ZNF804B: variants seen among roughly 807,000 people sequenced by gnomAD.
ZNF804B encodes zinc finger 804B.
Under a neutral mutation model 101.4 loss-of-function variants are expected in ZNF804B, and 80 were observed. That is an observed-to-expected ratio of 0.79 (90% CI 0.66 to 0.95). The LOEUF (loss-of-function observed/expected upper bound fraction) is 0.95. Among genes scored for constraint, ZNF804B ranks in the 40% least tolerant of loss-of-function variants. The probability of loss-of-function intolerance (pLI) is 0.00; values close to 1 mark genes in which losing one functional copy is unlikely to be tolerated. For synonymous variants in ZNF804B, 622 were observed against 558.8 expected, an observed-to-expected ratio of 1.11 and a Z score of -1.59; for missense variants, 1,673 against 1,561.9, an observed-to-expected ratio of 1.07 and a Z score of -1.20.
intron 1 of ZNF804B, among the ~76,000 whole-genome samples, chr7:89,176,591 C>CTTTTTTTTTTTTTTTTTTTTTTTT (rs35866405): frequency 2.8e-5 from 2 of 71,960 alleles, no homozygotes; most frequent in East Asian, 3.6e-4. Flanking sequence ...TTCTTTCTTT[C>CTTTTTTTTTTTTTTTTTTTTTTTT]TTTTTTTTTT....
chr7:89,096,463 C>T lies in ZNF804B; in HGVS notation c.109-121692C>T, dbSNP rs367959530. On this transcript the variant is annotated intron_variant, in intron 1 of 3. Coordinates refer to ENST00000333190, the MANE Select transcript of ZNF804B (RefSeq NM_181646.5). ...GATTCTTATCAAATGCTCCTCTTTG[C>T]TGGCCTTGCTTAGAGCCTTCTTTGG... Among the ~76,000 whole-genome samples the T allele has an allele frequency of 2.0e-5, 3 of 152,166 alleles. No homozygotes were observed. The South Asian group carries it at 6.2e-4, about 32-fold the overall frequency.
chr7:88,770,492 T>C (rs1485285515), intron 1 of ZNF804B, among the ~76,000 whole-genome samples: 1 of 152,194 alleles, frequency 6.6e-6, no homozygotes, highest in Non-Finnish European at 1.5e-5. Context: ...TACTAACATG[T>C]TGATTTGTGC....
At chr7:89,092,178 G>A (rs1359006222) in intron 1 of ZNF804B, among the ~76,000 whole-genome samples, 1 of 151,476 alleles carries the variant, frequency 6.6e-6, no homozygotes, top group Non-Finnish European at 1.5e-5. Flanking sequence ...TCCTCACATG[G>A]TGAAATAAAC....
At chr7:89,094,432 CT>C (rs1185277245) in intron 1 of ZNF804B, among the ~76,000 whole-genome samples, 4 of 152,140 alleles carry the variant, frequency 2.6e-5, no homozygotes, top group Non-Finnish European at 5.9e-5. Flanking sequence ...GTCTACCTTT[CT>C]TACGCCTACT....
At chr7:89,055,608 T>C (rs1789279180) in intron 1 of ZNF804B, among the ~76,000 whole-genome samples, 1 of 152,004 alleles carries the variant, frequency 6.6e-6, no homozygotes, top group African/African-American at 2.4e-5. Flanking sequence ...CTCTAAGCAG[T>C]TAGAAGTGGG....
intron 1 of ZNF804B, among the ~76,000 whole-genome samples, chr7:89,187,675 C>G (rs927207049): frequency 1.3e-5 from 2 of 152,246 alleles, no homozygotes; most frequent in East Asian, 3.9e-4. Context: ...ATTGTGGAAA[C>G]TAGTGAGCCT....
chr7:89,006,278 A>G (rs942127119), intron 1 of ZNF804B, among the ~76,000 whole-genome samples: 2 of 152,230 alleles, frequency 1.3e-5, no homozygotes, highest in Non-Finnish European at 1.5e-5. Context: ...TTTTAGACCA[A>G]TATTTTCCCT....
intron 1 of ZNF804B, among the ~76,000 whole-genome samples, chr7:89,156,058 T>C (rs866956135): frequency 0.018 from 1,028 of 57,008 alleles, 16 homozygotes; most frequent in Middle Eastern, 0.07. Context: ...CTTTCTTTCT[T>C]TCTTTCTTTC....
intron 1 of ZNF804B, among the ~76,000 whole-genome samples, chr7:88,812,213 C>G (rs909875542): frequency 3.3e-5 from 5 of 152,294 alleles, no homozygotes; most frequent in Middle Eastern, 3.4e-3. Context: ...TGTCCTTCAT[C>G]CATTCCAAAG....
intron 1 of ZNF804B, among the ~76,000 whole-genome samples, chr7:89,001,917 A>T (rs1486654934): frequency 6.6e-6 from 1 of 151,806 alleles, no homozygotes; most frequent in Non-Finnish European, 1.5e-5. Context: ...GCATCATGTT[A>T]TACAGAATAC....
At chr7:89,193,092 C>A (rs1219611977) in intron 1 of ZNF804B, among the ~76,000 whole-genome samples, 1 of 152,024 alleles carries the variant, frequency 6.6e-6, no homozygotes, top group Non-Finnish European at 1.5e-5. Context: ...TGGCAAAAGA[C>A]AGGGATGCCC....
At chr7:89,059,918 A>G (rs1410420680) in intron 1 of ZNF804B, among the ~76,000 whole-genome samples, 2 of 152,050 alleles carry the variant, frequency 1.3e-5, no homozygotes, top group Non-Finnish European at 2.9e-5. Context: ...CCTGGAGAGA[A>G]TGAATACAGA....
At chr7:89,047,120 A>G (rs1244715397) in intron 1 of ZNF804B, among the ~76,000 whole-genome samples, 1 of 152,074 alleles carries the variant, frequency 6.6e-6, no homozygotes, top group East Asian at 1.9e-4. Flanking sequence ...ATGTCACTTT[A>G]CCATATCACT....
At position 89,336,417 on chromosome 7, in the gene ZNF804B, A is replaced by G; in HGVS notation, c.3435A>G (p.Gln1145=). The G allele has an allele frequency of 5.0e-6, 8 of 1,614,092 alleles. No individual in the cohort carries two copies. Among genetic ancestry groups the G allele is most frequent in the South Asian group, 1.1e-5 (1 of 91,084 alleles). ...CHKSISPPLI[Q]QPITFSPDEI... is the part of the protein sequence containing the mutation. ...AATCTATCTCTCCCCCTTTAATTCA[A>G]CAGCCCATAACATTTTCTCCTGACG... is the stretch of plus-strand genomic sequence containing the variant. Residue 1145 remains glutamine, a synonymous_variant, in exon 4 of 4, where the codon CAA becomes CAG. Transcript: ENST00000333190.
intron 1 of ZNF804B, among the ~76,000 whole-genome samples, chr7:88,903,460 G>A (rs905435456): frequency 6.6e-6 from 1 of 152,040 alleles, no homozygotes; most frequent in African/African-American, 2.4e-5. Context: ...TTTCCTTTGG[G>A]TATATACCCA....
At chr7:89,284,312 A>G (rs1413611348) in intron 2 of ZNF804B, among the ~76,000 whole-genome samples, 1 of 152,188 alleles carries the variant, frequency 6.6e-6, no homozygotes, top group Non-Finnish European at 1.5e-5. Flanking sequence ...AAAAAACGAT[A>G]TCTCTCAGTT....
chr7:89,255,969 T>G (rs1789626436), intron 2 of ZNF804B, among the ~76,000 whole-genome samples: 1 of 152,102 alleles, frequency 6.6e-6, no homozygotes, highest in African/African-American at 2.4e-5. Flanking sequence ...AACTGCAAAT[T>G]AAAACCAAAA....
At chr7:89,104,602 G>C (rs191484102) in intron 1 of ZNF804B, among the ~76,000 whole-genome samples, 4 of 151,748 alleles carry the variant, frequency 2.6e-5, no homozygotes, top group African/African-American at 9.7e-5. Context: ...TTATTTTTCT[G>C]TTGGGACAAG....
intron 2 of ZNF804B, among the ~76,000 whole-genome samples, chr7:89,276,050 T>C (rs1250940445): frequency 1.3e-5 from 2 of 151,838 alleles, no homozygotes; most frequent in Non-Finnish European, 2.9e-5. Flanking sequence ...CCATTATCCT[T>C]AGCAAACTAA....
Sources: allele counts gnomAD v4.1 joint callset (sites outside exome capture counted in the v4.1 genomes callset), GRCh38; gene constraint gnomAD v4.1.1; transcripts MANE v1.5; gene names NCBI Gene and HGNC (gene_info 2026-07-23, HGNC 2026-07-21).